The following NEMP1 variants were observed in gnomAD, a reference collection of about 807,000 sequenced individuals.
The protein encoded by NEMP1 is nuclear envelope integral membrane protein 1.
Under a neutral mutation model 53.7 loss-of-function variants are expected in NEMP1, and 29 were observed. The ratio of observed to expected loss-of-function variants is 0.54; its 90% CI spans 0.40 to 0.74. The LOEUF (loss-of-function observed/expected upper bound fraction) is 0.74, where lower values mean the gene tolerates loss of function less well. NEMP1 is among the 30% of genes least tolerant of loss of function. The pLI, the probability that NEMP1 is intolerant of heterozygous loss-of-function variation, is 0.00. For missense variants in NEMP1, 477 were observed against 528.6 expected (o/e 0.90, Z 0.96); for synonymous variants, 193 against 192.9 (o/e 1.00, Z 0.00).
upstream of NEMP1, among the ~76,000 whole-genome samples, chr12:57,080,637 C>T (rs528695894): frequency 6.7e-5 from 10 of 149,072 alleles, no homozygotes; most frequent in African/African-American, 2.5e-4. Flanking sequence ...TGCCTGTAAT[C>T]CCAGCACTTT....
intron 4 of NEMP1, among the ~76,000 whole-genome samples, chr12:57,067,195 G>C (rs1037772658): frequency 1.3e-5 from 2 of 151,946 alleles, no homozygotes; most frequent in African/African-American, 2.4e-5. Flanking sequence ...GTGGTGGCAG[G>C]TGCCTGTAGT....
At chr12:57,065,112 G>C (rs991350071) in intron 4 of NEMP1, among the ~76,000 whole-genome samples, 1 of 152,168 alleles carries the variant, frequency 6.6e-6, no homozygotes. Flanking sequence ...CTGGTGGAGG[G>C]TCTCACTTCC....
In NEMP1 at chr12:57,063,182, A is replaced by G. The variant is rs1469896776; in HGVS notation, c.917T>C (p.Ile306Thr). Reference protein sequence around the residue: ...IQIPHIALAIIIIALCTKNLE... With the variant: ...IQIPHIALAITIIALCTKNLE... ...GTTCTTAGTACAAAGAGCAATGATG[A>G]TAATGGCAAGGGCAATATGTGGTAT... The change falls in exon 7 of 9, where the codon ATC becomes ACC. Residue 306 changes from isoleucine to threonine, a missense_variant. Transcript: ENST00000300128. 6.2e-7 allele frequency: 1 copy of G among 1,614,200 alleles called. No individual in the cohort carries two copies. The highest frequency in any genetic ancestry group is 1.1e-5 in the South Asian group (1 of 91,082).
Position 57,070,717 on chromosome 12 carries a change from C to G in NEMP1, c.429G>C (p.Glu143Asp). The G allele has an allele frequency of 6.4e-7, 1 of 1,562,824 alleles. No individual in the cohort carries two copies. Among genetic ancestry groups the G allele is most frequent in the Non-Finnish European group, 8.7e-7 (1 of 1,152,548 alleles). ...TGTACTTGGTGTCCTTCTCTATAAT[C>G]TCAACTTTGAGGCAGGTTTTTGTGC... ...LYSTKTCLKV[E>D]IIEKDTKYSV... Residue 143 changes from glutamate (E) to aspartate (D), a missense_variant, in exon 3 of 9, where the codon GAG becomes GAC. Coordinates refer to ENST00000300128, the MANE Select transcript of NEMP1 (RefSeq NM_001130963.2).
In NEMP1 at chr12:57,069,093, T is replaced by C. The variant is rs1592507899; in HGVS notation, c.545+141A>G. The C allele has an allele frequency of 1.9e-5, 10 of 518,836 alleles. No homozygotes were observed. The East Asian group carries it at 3.3e-4, about 17-fold the overall frequency. 32.1% of individuals were successfully genotyped at this position (518,836 alleles called of 1,614,324 possible). On this transcript the variant is annotated intron_variant, in intron 4 of 8. Transcript: ENST00000300128. ...ACAAAAATCATAATACACATTAAAG[T>C]ATTTTTTTAAATATCCAAGCAGGCA...
In NEMP1 at chr12:57,057,644, A is replaced by G. The variant is rs2031591261; in HGVS notation, c.*2235T>C. 6.6e-6 allele frequency: 1 copy of G among 152,266 alleles called. No individual in the cohort carries two copies. Among genetic ancestry groups the G allele is most frequent in the Non-Finnish European group, 1.5e-5 (1 of 68,066 alleles). The allele number at this position is 152,266 out of a possible 1,614,324, so 9.4% of individuals were successfully genotyped here. ...CCACTGCCTACAGCTCAGGTCTCCA[A>G]CTACCAGATAGGGAGTAAAAAACAG... On this transcript the variant is annotated 3_prime_UTR_variant, in exon 9 of 9. Transcript: ENST00000300128.
In NEMP1 at chr12:57,067,855, A is replaced by G. The variant is rs2032162963; in HGVS notation, c.545+1379T>C. 2.0e-5 allele frequency among the ~76,000 whole-genome samples: 3 copies of G among 152,114 alleles called. No homozygotes were observed. The South Asian group carries it at 6.2e-4, about 32-fold the overall frequency. On this transcript the variant is annotated intron_variant, in intron 4 of 8. Coordinates refer to ENST00000300128, the MANE Select transcript of NEMP1 (RefSeq NM_001130963.2). ...TGCAATCACGGATCACTGCAGCCTC[A>G]ACCTCCTGGGCTCAAGTGATCCTCC... is the stretch of plus-strand genomic sequence containing the variant.
chr12:57,084,955 TC>T (rs2032948191), intron 1 of NEMP1, among the ~76,000 whole-genome samples: 1 of 152,162 alleles, frequency 6.6e-6, no homozygotes, highest in Non-Finnish European at 1.5e-5. Flanking sequence ...TAAAAATTGG[TC>T]CTTAACCATA....
Position 57,063,317 on chromosome 12 carries a change from C to T in NEMP1, c.782G>A (p.Ser261Asn), listed in dbSNP as rs2031911401. ...LSYVLTVGFM[S>N]FAVCYKYGPL... ...CCCATACTTGTAACATACTGCAAAA[C>T]TCATGAATCCAACTGTGAGGACATA... The change falls in exon 7 of 9, where the codon AGT becomes AAT. Residue 261 changes from serine to asparagine, a missense_variant. Coordinates refer to ENST00000300128, the MANE Select transcript of NEMP1 (RefSeq NM_001130963.2). 1.2e-6 allele frequency: 2 copies of T among 1,614,192 alleles called. No homozygotes were observed. The highest frequency in any genetic ancestry group is 1.7e-6 in the Non-Finnish European group (2 of 1,180,020).
At chr12:57,081,089 T>C (rs1163084990), upstream of NEMP1, among the ~76,000 whole-genome samples, 1 of 152,064 alleles carries the variant, frequency 6.6e-6, no homozygotes, top group Non-Finnish European at 1.5e-5. Context: ...GAGATGAAAA[T>C]GGCATTTTAA....
intron 1 of NEMP1, among the ~76,000 whole-genome samples, chr12:57,074,459 CT>C (rs1006355428): frequency 4.6e-4 from 70 of 152,002 alleles, no homozygotes; most frequent in African/African-American, 1.7e-3. Flanking sequence ...AATTGGCTAA[CT>C]TTTTTTGTGT....
chr12:57,074,116 A>C (rs2032487662), intron 1 of NEMP1, among the ~76,000 whole-genome samples: 1 of 151,198 alleles, frequency 6.6e-6, no homozygotes. Flanking sequence ...CTACAGGTAT[A>C]CACCACCACA....
At chr12:57,070,238 G>GATTA (rs150019233) in intron 3 of NEMP1, among the ~76,000 whole-genome samples, 13,773 of 152,186 alleles carry the variant, frequency 0.091, 646 homozygotes, top group East Asian at 0.19. Context: ...ACTTGTGAAT[G>GATTA]ATTTTCAATT....
intron 1 of NEMP1, 149 bp downstream of exon 1, chr12:57,078,470 C>G: frequency 8.5e-7 from 1 of 1,174,738 alleles, no homozygotes; most frequent in Non-Finnish European, 1.2e-6. Context: ...CACTAGCCTG[C>G]CAAGTTTCTT....
chr12:57,065,999 A>C (rs1436828524), intron 4 of NEMP1, among the ~76,000 whole-genome samples: 1 of 152,054 alleles, frequency 6.6e-6, no homozygotes, highest in African/African-American at 2.4e-5. Context: ...TCAAGCCTGT[A>C]ATCCCAGCAC....
intron 3 of NEMP1, 43 bp downstream of exon 3, chr12:57,070,631 T>TTATCAC: frequency 6.7e-7 from 1 of 1,500,306 alleles, no homozygotes; most frequent in South Asian, 1.2e-5. Flanking sequence ...AACTCAGTCC[T>TTATCAC]TATCACTACA....
chr12:57,078,768 C>T lies in NEMP1; in HGVS notation c.-23G>A, dbSNP rs772991661. 6 of 1,602,368 alleles carry T rather than the reference C, an allele frequency of 3.7e-6. No homozygotes were observed. Among genetic ancestry groups the T allele is most frequent in the South Asian group, 3.3e-5 (3 of 89,792 alleles). The stretch of plus-strand genomic sequence containing the variant: ...CATGGTTGCCTCAAGCCACCTCCTC[C>T]TCACGTGCCTTACCCCAGCAACTAA... On this transcript the variant is annotated 5_prime_UTR_variant, in exon 1 of 9. Transcript: ENST00000300128.
intron 7 of NEMP1, among the ~76,000 whole-genome samples, chr12:57,061,405 T>C (rs2031794002): frequency 6.6e-6 from 1 of 152,160 alleles, no homozygotes; most frequent in Non-Finnish European, 1.5e-5. Context: ...TATAAGACTG[T>C]GGTTCTAGCC....
chr12:57,084,248 C>T (rs1215001300), intron 1 of NEMP1, among the ~76,000 whole-genome samples: 2 of 152,184 alleles, frequency 1.3e-5, no homozygotes, highest in African/African-American at 4.8e-5. Flanking sequence ...GGGCATAAAC[C>T]ACAGTACCCG....
Sources: allele counts gnomAD v4.1 joint callset (sites outside exome capture counted in the v4.1 genomes callset), GRCh38; gene constraint gnomAD v4.1.1; transcripts MANE v1.5; gene names NCBI Gene and HGNC (gene_info 2026-07-23, HGNC 2026-07-21).